The following MALRD1 variants were observed in gnomAD, a reference collection of about 807,000 sequenced individuals.
MALRD1 encodes the protein MAM and LDL-receptor class A domain-containing protein 1.
MALRD1 carries 247 observed loss-of-function variants against 242.1 expected under a neutral mutation model. That is an observed-to-expected ratio of 1.02 (90% CI 0.92 to 1.13). The LOEUF (loss-of-function observed/expected upper bound fraction) is 1.13, where lower values mean the gene tolerates loss of function less well. MALRD1 is among the 50% of genes most tolerant of loss of function. The pLI is 0.00. For missense variants in MALRD1, 2,989 were observed against 2,533.1 expected (o/e 1.18, Z -3.86); for synonymous variants, 995 against 866.6 (o/e 1.15, Z -2.60).
intron 9 of MALRD1, 44 bp from the exon 10 acceptor site, chr10:19,136,530 T>G: frequency 2.7e-6 from 3 of 1,110,730 alleles, no homozygotes; most frequent in Non-Finnish European, 3.4e-6. Flanking sequence ...TTTGTCTTAT[T>G]AAGGAGATTG....
At chr10:19,458,150 G>T (rs1324862148) in intron 29 of MALRD1, among the ~76,000 whole-genome samples, 1 of 152,024 alleles carries the variant, frequency 6.6e-6, no homozygotes, top group Non-Finnish European at 1.5e-5. Context: ...CTTTATAGAA[G>T]AATCCATACA....
chr10:19,126,022 T>G (rs1186109924), intron 7 of MALRD1, among the ~76,000 whole-genome samples: 1 of 152,108 alleles, frequency 6.6e-6, no homozygotes, highest in Non-Finnish European at 1.5e-5. Context: ...CACTTCGAAA[T>G]AATAATTTAT....
At chr10:19,370,282 T>C (rs989490283) in intron 26 of MALRD1, among the ~76,000 whole-genome samples, 3 of 152,186 alleles carry the variant, frequency 2.0e-5, no homozygotes, top group African/African-American at 7.2e-5. Flanking sequence ...GGGATATTGA[T>C]TATCATATTA....
intron 14 of MALRD1, among the ~76,000 whole-genome samples, chr10:19,178,401 C>T (rs770053369): frequency 9.9e-5 from 15 of 152,276 alleles, no homozygotes; most frequent in South Asian, 2.1e-4. Context: ...TATTTAAAAA[C>T]GTGCCATGCT....
chr10:19,617,987 C>G (rs899618635), intron 36 of MALRD1, among the ~76,000 whole-genome samples: 1 of 151,980 alleles, frequency 6.6e-6, no homozygotes, highest in South Asian at 2.1e-4. Flanking sequence ...TTCCACCCTC[C>G]ATGCTTCAGT....
At chr10:19,589,984 A>T (rs1837678192) in intron 33 of MALRD1, among the ~76,000 whole-genome samples, 1 of 152,132 alleles carries the variant, frequency 6.6e-6, no homozygotes, top group Admixed American at 6.6e-5. Flanking sequence ...CGACCTTATA[A>T]CATTTCCCTT....
intron 26 of MALRD1, among the ~76,000 whole-genome samples, chr10:19,374,946 A>T (rs1308544441): frequency 6.6e-6 from 1 of 152,172 alleles, no homozygotes; most frequent in Non-Finnish European, 1.5e-5. Context: ...CAAAGGACAG[A>T]TATAGGGGGC....
chr10:19,375,415 G>A (rs1389783399), intron 26 of MALRD1, among the ~76,000 whole-genome samples: 1 of 152,112 alleles, frequency 6.6e-6, no homozygotes, highest in Non-Finnish European at 1.5e-5. Context: ...CTCTGGTGGT[G>A]AGAAAGAGTT....
chr10:19,352,856 C>T (rs1203668542), intron 26 of MALRD1, among the ~76,000 whole-genome samples: 1 of 152,028 alleles, frequency 6.6e-6, no homozygotes, highest in African/African-American at 2.4e-5. Context: ...ATAATTCCTA[C>T]AGATACAATG....
chr10:19,307,968 G>T (rs755930094), intron 21 of MALRD1, among the ~76,000 whole-genome samples: 8 of 151,448 alleles, frequency 5.3e-5, no homozygotes, highest in Non-Finnish European at 1.0e-4. Context: ...CATGAAATGA[G>T]AAATCACGTC....
chr10:19,067,998 C>G (rs10826899), intron 2 of MALRD1, among the ~76,000 whole-genome samples: 33,027 of 152,006 alleles, frequency 0.22, 4,240 homozygotes, highest in Non-Finnish European at 0.3. Flanking sequence ...ACAAATATAA[C>G]AAGCACTAAC....
chr10:19,147,842 G>C (rs1262698685), intron 11 of MALRD1, among the ~76,000 whole-genome samples: 1 of 152,212 alleles, frequency 6.6e-6, no homozygotes, highest in Non-Finnish European at 1.5e-5. Context: ...GAATTACTGA[G>C]AGAAGACGGA....
chr10:19,690,285 GGAT>G (rs1223328072), intron 36 of MALRD1, among the ~76,000 whole-genome samples: 3 of 152,030 alleles, frequency 2.0e-5, no homozygotes, highest in Admixed American at 6.6e-5. Flanking sequence ...TTAACCGATA[GGAT>G]GATATTACTT....
chr10:19,554,583 A>T (rs1383893520), intron 32 of MALRD1, among the ~76,000 whole-genome samples: 1 of 151,540 alleles, frequency 6.6e-6, no homozygotes, highest in African/African-American at 2.4e-5. Context: ...GTGTTGTCCC[A>T]TTCTTTGTGT....
At chr10:19,648,688 A>G (rs1367484318) in intron 36 of MALRD1, among the ~76,000 whole-genome samples, 1 of 152,040 alleles carries the variant, frequency 6.6e-6, no homozygotes, top group African/African-American at 2.4e-5. Context: ...ATACAAACCA[A>G]CTCCAAAATA....
At chr10:19,711,645 A>T (rs1162141768) in intron 38 of MALRD1, among the ~76,000 whole-genome samples, 1 of 152,184 alleles carries the variant, frequency 6.6e-6, no homozygotes, top group Middle Eastern at 3.2e-3. Context: ...GTGTCAAAGA[A>T]GAGCACCCCA....
At chr10:19,674,302 A>C (rs1842049223) in intron 36 of MALRD1, among the ~76,000 whole-genome samples, 1 of 152,228 alleles carries the variant, frequency 6.6e-6, no homozygotes, top group Admixed American at 6.5e-5. Flanking sequence ...CCTAGCAAAT[A>C]GAAGGTACTC....
Position 19,595,382 on chromosome 10 carries a change from G to A in MALRD1, c.5869G>A (p.Asp1957Asn). ...CSNMEFPCST[D>N]ECIPSLLLCD... ...TAACATGGAGTTCCCGTGCTCTACA[G>A]ACGAGTGTATACCTTCCCTCCTGCT... is the stretch of plus-strand genomic sequence containing the variant. Residue 1957 changes from aspartate to asparagine, a missense_variant, in exon 34 of 40, where the codon GAC becomes AAC. By Grantham distance (23) the Asp-to-Asn change is conservative (BLOSUM62 1). Coordinates refer to ENST00000454679, the MANE Select transcript of MALRD1 (RefSeq NM_001142308.3). 2 of 1,550,552 alleles carry A rather than the reference G, an allele frequency of 1.3e-6. No homozygotes were observed. The highest frequency in any genetic ancestry group is 1.7e-6 in the Non-Finnish European group (2 of 1,146,942).
chr10:19,595,547 A>G (rs1838051161), intron 34 of MALRD1, 90 bp downstream of exon 34: 2 of 1,361,784 alleles, frequency 1.5e-6, no homozygotes, highest in Admixed American at 4.8e-5. Flanking sequence ...GAAGTTCTCT[A>G]GAGCCTTACC....
Sources: gnomAD v4.1 joint callset for allele counts (sites outside exome capture counted in the v4.1 genomes callset) on GRCh38, gnomAD v4.1.1 for gene constraint, MANE v1.5 for transcripts, NCBI Gene and HGNC (gene_info 2026-07-23, HGNC 2026-07-21) for gene names.